Variants in GPC5 observed in about 807,000 individuals in gnomAD.
GPC5 encodes the protein glypican 5.
A neutral mutation model predicts 53.9 loss-of-function variants in GPC5; 47 were observed. The ratio of observed to expected loss-of-function variants is 0.87; its 90% CI spans 0.69 to 1.11. GPC5 has a LOEUF of 1.11. Among genes scored for constraint, GPC5 ranks in the 50% most tolerant of loss-of-function variants. The pLI is 0.00. For synonymous variants in GPC5, 286 were observed against 263.3 expected, an observed-to-expected ratio of 1.09 and a Z score of -0.84; for missense variants, 748 against 713.1, an observed-to-expected ratio of 1.05 and a Z score of -0.56.
At chr13:92,541,048 T>A (rs1037714111) in intron 7 of GPC5, among the ~76,000 whole-genome samples, 1 of 151,902 alleles carries the variant, frequency 6.6e-6, no homozygotes, top group Non-Finnish European at 1.5e-5. Flanking sequence ...TAAGGACATA[T>A]ACATGTGGTT....
At chr13:92,527,273 AAGAAAG>A (rs1881396068) in intron 7 of GPC5, among the ~76,000 whole-genome samples, 1 of 142,780 alleles carries the variant, frequency 7.0e-6, no homozygotes. Context: ...GAAAGAAAGA[AAGAAAG>A]AAAAAGATCA....
chr13:92,340,814 G>A (rs34374606), intron 7 of GPC5, among the ~76,000 whole-genome samples: 13,719 of 152,016 alleles, frequency 0.09, 733 homozygotes, highest in Middle Eastern at 0.15. Context: ...AACCCAATCC[G>A]GTTTTTATGC....
At chr13:91,608,528 C>T (rs137995189) in intron 2 of GPC5, among the ~76,000 whole-genome samples, 38 of 152,250 alleles carry the variant, frequency 2.5e-4, no homozygotes, top group African/African-American at 8.9e-4. Context: ...AGTGTCCACT[C>T]ACACACTTAT....
intron 2 of GPC5, among the ~76,000 whole-genome samples, chr13:91,619,423 A>T (rs1249985795): frequency 1.3e-5 from 2 of 152,114 alleles, no homozygotes; most frequent in East Asian, 3.9e-4. Flanking sequence ...CGGCTGCTAA[A>T]ATTAGAGTAC....
chr13:92,680,315 C>T (rs1217077651), intron 7 of GPC5, among the ~76,000 whole-genome samples: 1 of 152,136 alleles, frequency 6.6e-6, no homozygotes, highest in Non-Finnish European at 1.5e-5. Flanking sequence ...AAAAGAGATT[C>T]AACTCTTTTC....
At chr13:91,548,981 C>A (rs972319598) in intron 2 of GPC5, among the ~76,000 whole-genome samples, 7 of 152,024 alleles carry the variant, frequency 4.6e-5, no homozygotes, top group African/African-American at 1.7e-4. Context: ...GTGCAAAATG[C>A]AAAAACTGGC....
intron 7 of GPC5, among the ~76,000 whole-genome samples, chr13:92,716,511 A>G (rs986519803): frequency 1.3e-5 from 2 of 151,374 alleles, no homozygotes; most frequent in African/African-American, 4.9e-5. Context: ...TGTAATGGCC[A>G]TTTGTTTTTC....
chr13:91,859,586 A>T (rs61967103), intron 5 of GPC5, among the ~76,000 whole-genome samples: 28,697 of 151,664 alleles, frequency 0.19, 3,027 homozygotes, highest in East Asian at 0.31. Context: ...TGTTCATAAT[A>T]ATTATTATCA....
intron 7 of GPC5, among the ~76,000 whole-genome samples, chr13:92,492,021 C>T (rs1418366054): frequency 6.6e-6 from 1 of 151,892 alleles, no homozygotes; most frequent in Non-Finnish European, 1.5e-5. Flanking sequence ...TAAGTCTGTC[C>T]CCAAAAGGCA....
intron 7 of GPC5, among the ~76,000 whole-genome samples, chr13:92,345,991 T>A (rs1196648642): frequency 6.6e-6 from 1 of 152,074 alleles, no homozygotes; most frequent in African/African-American, 2.4e-5. Context: ...AGGTAAGAAG[T>A]TCATTTTACT....
chr13:91,883,668 G>A lies in GPC5; in HGVS notation c.1281-24269G>A, dbSNP rs534561357. On this transcript the variant is annotated intron_variant, in intron 5 of 7. Coordinates refer to ENST00000377067, the MANE Select transcript of GPC5 (RefSeq NM_004466.6). ...AGGGGAAGAGTATTAATAGATGATG[G>A]CAGAGAAATAAGCATGAAAAGACAG... Among the ~76,000 whole-genome samples the A allele has an allele frequency of 2.0e-5, 3 of 152,310 alleles. No individual in the cohort carries two copies. In the East Asian group the frequency reaches 5.8e-4, roughly 29 times the overall value.
intron 6 of GPC5, among the ~76,000 whole-genome samples, chr13:91,979,635 A>G (rs919806313): frequency 1.3e-5 from 2 of 152,216 alleles, no homozygotes; most frequent in African/African-American, 4.8e-5. Context: ...TATGCATATT[A>G]GCCATTGAGA....
At chr13:92,776,543 C>A (rs1344569133) in intron 7 of GPC5, among the ~76,000 whole-genome samples, 3 of 152,146 alleles carry the variant, frequency 2.0e-5, no homozygotes, top group Non-Finnish European at 1.5e-5. Context: ...ATCTCTTTGG[C>A]AGGGCCATGG....
At chr13:91,554,344 TAC>T (rs919232443) in intron 2 of GPC5, among the ~76,000 whole-genome samples, 3 of 151,584 alleles carry the variant, frequency 2.0e-5, no homozygotes, top group African/African-American at 7.3e-5. Context: ...CATACATGTA[TAC>T]ACACAGGCAC....
At chr13:91,958,901 G>T (rs1318449893) in intron 6 of GPC5, among the ~76,000 whole-genome samples, 1 of 151,934 alleles carries the variant, frequency 6.6e-6, no homozygotes, top group Non-Finnish European at 1.5e-5. Flanking sequence ...GAAGCTGATA[G>T]TAATCCACAC....
intron 7 of GPC5, among the ~76,000 whole-genome samples, chr13:92,176,950 A>G (rs1220886587): frequency 6.6e-6 from 1 of 152,164 alleles, no homozygotes; most frequent in Non-Finnish European, 1.5e-5. Flanking sequence ...CCCTGCCACT[A>G]TGCTATAGTT....
At chr13:91,721,064 CCTTTCTTT>C (rs746835528) in intron 3 of GPC5, among the ~76,000 whole-genome samples, 10,868 of 121,832 alleles carry the variant, frequency 0.089, 648 homozygotes, top group East Asian at 0.12. Context: ...TCCTTCCTTC[CCTTTCTTT>C]CTTTCTTTCT....
At chr13:92,171,385 C>A (rs1454752630) in intron 7 of GPC5, among the ~76,000 whole-genome samples, 2 of 152,124 alleles carry the variant, frequency 1.3e-5, no homozygotes, top group South Asian at 4.2e-4. Flanking sequence ...ACACACACAC[C>A]CCTATATTCA....
intron 5 of GPC5, among the ~76,000 whole-genome samples, chr13:91,875,389 G>A (rs550629664): frequency 1.3e-5 from 2 of 152,076 alleles, no homozygotes; most frequent in Non-Finnish European, 2.9e-5. Context: ...ATTGAGGTAC[G>A]CTTAAGATGA....
Sources: gnomAD v4.1 joint callset for allele counts (sites outside exome capture counted in the v4.1 genomes callset) on GRCh38, gnomAD v4.1.1 for gene constraint, MANE v1.5 for transcripts, NCBI Gene and HGNC (gene_info 2026-07-23, HGNC 2026-07-21) for gene names.